CHD1: variants seen among roughly 807,000 people sequenced by gnomAD.
CHD1 encodes chromodomain helicase DNA binding protein 1.
A neutral mutation model predicts 224.2 loss-of-function variants in CHD1; 36 were observed. The ratio of observed to expected loss-of-function variants is 0.16; its 90% confidence interval spans 0.12 to 0.21. The LOEUF (loss-of-function observed/expected upper bound fraction) is 0.21. Ranked by LOEUF, CHD1 falls within the 10% of genes least tolerant of loss-of-function variation. The pLI is 1.00. For missense variants in CHD1, 1,378 were observed against 1,994.8 expected (o/e 0.69, Z 5.89); for synonymous variants, 668 against 658.3 (o/e 1.01, Z -0.23).
intron 23 of CHD1, among the ~76,000 whole-genome samples, chr5:98,878,681 T>G (rs1040495617): frequency 6.6e-6 from 1 of 152,144 alleles, no homozygotes; most frequent in Non-Finnish European, 1.5e-5. Flanking sequence ...CATGACAGAA[T>G]TAAACTACCA....
Position 98,903,928 on chromosome 5 carries a change from C to G in CHD1, c.256-20G>C. The G allele has an allele frequency of 6.8e-7, 1 of 1,468,950 alleles. No homozygotes were observed. The highest frequency in any genetic ancestry group is 9.4e-7 in the Non-Finnish European group (1 of 1,066,714). The allele number at this position is 1,468,950 out of a possible 1,614,324, so 91.0% of individuals were successfully genotyped here. Reference sequence around the variant, plus strand: ...CCAAAACTATAATAGAAATATAAACCAGTGAATGAAGAAGTATTAAGAAAA... The same window carrying G: ...CCAAAACTATAATAGAAATATAAACGAGTGAATGAAGAAGTATTAAGAAAA... On this transcript the variant is annotated intron_variant, in intron 3 of 35. Transcript: ENST00000614616.
intron 31 of CHD1, among the ~76,000 whole-genome samples, chr5:98,866,064 AAAG>A (rs1748838764): frequency 6.6e-6 from 1 of 152,178 alleles, no homozygotes; most frequent in African/African-American, 2.4e-5. Context: ...CAAAAAAGCT[AAAG>A]AATACCACCT....
Position 98,902,949 on chromosome 5 carries a change from C to T in CHD1, c.388G>A (p.Glu130Lys). Residue 130 changes from glutamate (E) to lysine (K), a missense_variant, in exon 5 of 36, where the codon GAA (glutamate) becomes AAA (lysine). Physicochemically the swap from Glu to Lys is moderately conservative, Grantham distance 56 (BLOSUM62 1). Around this residue, in one of 16 missense-constraint regions of CHD1, gnomAD observed 306 missense variants for 298.1 expected, o/e 1.03. Transcript: ENST00000614616. Reference protein sequence around the residue: ...SGSEEDSSSSEDSDDSSSEVK... With the variant: ...SGSEEDSSSSKDSDDSSSEVK... ...TCACTTGATGAGTCATCGGAATCTTCACTGCTAGAGGAATCCTGTAGAAAA... is the reference window on the plus strand; with the variant it reads ...TCACTTGATGAGTCATCGGAATCTTTACTGCTAGAGGAATCCTGTAGAAAA... 6.2e-7 allele frequency: 1 copy of T among 1,600,740 alleles called. No homozygotes were observed. Among genetic ancestry groups the T allele is most frequent in the East Asian group, 2.2e-5 (1 of 44,612 alleles).
intron 2 of CHD1, among the ~76,000 whole-genome samples, chr5:98,908,194 T>C (rs1386154887): frequency 6.6e-6 from 1 of 152,150 alleles, no homozygotes; most frequent in Non-Finnish European, 1.5e-5. Context: ...CTACATGTAA[T>C]TCTCTAAAAG....
chr5:98,907,716 G>C (rs1429352687), intron 2 of CHD1, among the ~76,000 whole-genome samples: 2 of 150,910 alleles, frequency 1.3e-5, no homozygotes, highest in African/African-American at 4.9e-5. Context: ...GCATAAGAAA[G>C]AAAAATATTT....
At chr5:98,925,971 G>A (rs1013598984) in intron 2 of CHD1, among the ~76,000 whole-genome samples, 3 of 151,650 alleles carry the variant, frequency 2.0e-5, no homozygotes, top group East Asian at 3.8e-4. Context: ...AGAAAAAGAT[G>A]AGTGAAAAAA....
chr5:98,858,407 A>G lies in CHD1; in HGVS notation c.4577-17T>C, dbSNP rs1301720076. On this transcript the variant is annotated splice_polypyrimidine_tract_variant and intron_variant, in intron 34 of 35. Coordinates refer to ENST00000614616, the MANE Select transcript of CHD1 (RefSeq NM_001270.4). ...TTTCCACATCTGTTAGATAAGTACA[A>G]CTTTTATTAATGACCTTAAAAATAA... 6.3e-7 allele frequency: 1 copy of G among 1,584,858 alleles called. No homozygotes were observed. The highest frequency in any genetic ancestry group is 1.1e-5 in the South Asian group (1 of 89,646).
intron 1 of CHD1, 42 bp from the exon 2 acceptor site, chr5:98,926,576 A>G: frequency 2.6e-6 from 1 of 384,748 alleles, no homozygotes; most frequent in Non-Finnish European, 4.5e-6. Context: ...TTTCCTGCAG[A>G]AAAAAGGTAA....
chr5:98,882,149 A>G lies in CHD1; in HGVS notation c.2719-26T>C, dbSNP rs752064882. ...CTGTAAAAATACACATGAGGAAACA[A>G]ATTGCAGTATAAAGGATTTGTTTTG... On this transcript the variant is annotated intron_variant, in intron 19 of 35. Transcript: ENST00000614616. 2.5e-6 allele frequency: 4 copies of G among 1,601,446 alleles called. No homozygotes were observed. The African/African-American group carries it at 4.0e-5, about 16-fold the overall frequency.
chr5:98,893,984 T>G (rs1264827442), intron 13 of CHD1, among the ~76,000 whole-genome samples: 1 of 152,208 alleles, frequency 6.6e-6, no homozygotes, highest in African/African-American at 2.4e-5. Context: ...AGTGTCTTAT[T>G]CCAAGTGTAG....
intron 4 of CHD1, 131 bp from the exon 5 acceptor site, chr5:98,903,095 GTTTT>G (rs1751828147): frequency 4.0e-6 from 2 of 502,164 alleles, no homozygotes; most frequent in Middle Eastern, 5.1e-4. Context: ...TTTCAATGTA[GTTTT>G]ATTTATGTTA....
At chr5:98,869,668 AAT>A in intron 30 of CHD1, 84 bp downstream of exon 30, 1 of 1,456,362 alleles carries the variant, frequency 6.9e-7, no homozygotes, top group South Asian at 1.2e-5. Context: ...CGGTACCTAA[AAT>A]ATAAATTTTA....
chr5:98,928,311 G>C (rs1171442460), intron 1 of CHD1, among the ~76,000 whole-genome samples: 1 of 152,108 alleles, frequency 6.6e-6, no homozygotes, highest in Non-Finnish European at 1.5e-5. Context: ...GGCCGGGGCA[G>C]GGCCGCCGGG....
intron 24 of CHD1, 80 bp from the exon 25 acceptor site, chr5:98,875,193 A>C: frequency 1.3e-6 from 1 of 795,664 alleles, no homozygotes; most frequent in Non-Finnish European, 2.1e-6. Context: ...TTACAGATAT[A>C]AGAAAATACT....
rs1401001024 is a variant in CHD1, at chr5:98,928,943, T to C, written c.-553A>G. The stretch of plus-strand genomic sequence containing the variant: ...GCCGCCGCCGCCACCGAGGTCGCCG[T>C]CGCCTCCGCCTCCCGCGCGACGTAA... On this transcript the variant is annotated 5_prime_UTR_variant, in exon 1 of 36. Transcript: ENST00000614616. The C allele has an allele frequency of 6.5e-6, 1 of 152,886 alleles. No individual in the cohort carries two copies. The highest frequency in any genetic ancestry group is 1.9e-4 in the East Asian group (1 of 5,152). 9.5% of individuals were successfully genotyped at this position (152,886 alleles called of 1,614,324 possible).
intron 32 of CHD1, among the ~76,000 whole-genome samples, chr5:98,862,690 A>G (rs554384900): frequency 6.6e-5 from 10 of 152,184 alleles, no homozygotes; most frequent in Non-Finnish European, 1.2e-4. Context: ...AACTCTTTGA[A>G]CCTCAAAAAT....
chr5:98,903,986 TACC>T (rs1751886428), intron 3 of CHD1, 78 bp from the exon 4 acceptor site: 7 of 820,798 alleles, frequency 8.5e-6, no homozygotes, highest in South Asian at 7.8e-5. Context: ...TGAAAAACTA[TACC>T]ACCATCTTTA....
intron 31 of CHD1, among the ~76,000 whole-genome samples, 169 bp from the exon 32 acceptor site, chr5:98,863,755 C>T (rs890167877): frequency 6.6e-6 from 1 of 152,002 alleles, no homozygotes. Context: ...GGTTCTTTCC[C>T]CTTTAGATTT....
At position 98,856,246 on chromosome 5, in the gene CHD1, C is replaced by A; in HGVS notation, c.*134G>T. The stretch of plus-strand genomic sequence containing the variant: ...TCTGTTGGGATAATAGACCTTGCAT[C>A]CTGGAAAGAAGTAACAATACTGCTA... On this transcript the variant is annotated 3_prime_UTR_variant, in exon 36 of 36. Coordinates refer to ENST00000614616, the MANE Select transcript of CHD1 (RefSeq NM_001270.4). The A allele has an allele frequency of 3.1e-6, 2 of 640,154 alleles. 1 individual carries two copies. Among genetic ancestry groups the A allele is most frequent in the South Asian group, 4.1e-5 (2 of 49,104 alleles). 39.7% of individuals were successfully genotyped at this position (640,154 alleles called of 1,614,324 possible). A position where few individuals can be genotyped will look rare whatever the true frequency, so the allele number is the denominator to read the frequency against.
Sources: gnomAD v4.1 joint callset for allele counts (sites outside exome capture counted in the v4.1 genomes callset) on GRCh38, gnomAD v4.1.1 for gene constraint, gnomAD v4.1.1 regional missense constraint, MANE v1.5 for transcripts, NCBI Gene and HGNC (gene_info 2026-07-23, HGNC 2026-07-21) for gene names.